The following TTC28 variants were observed in gnomAD, a reference collection of about 807,000 sequenced individuals.
TTC28 encodes tetratricopeptide repeat protein 28.
Under a neutral mutation model 198.0 loss-of-function variants are expected in TTC28, and 61 were observed. That is an observed-to-expected ratio of 0.31 (90% CI 0.25 to 0.38). The LOEUF is 0.38. Ranked by LOEUF, TTC28 falls within the 10% of genes least tolerant of loss-of-function variation. The pLI is 1.00. For missense variants in TTC28, 2,678 were observed against 3,164.0 expected, an observed-to-expected ratio of 0.85 and a Z score of 3.69; for synonymous variants, 1,171 against 1,297.8, an observed-to-expected ratio of 0.90 and a Z score of 2.10.
chr22:28,654,481 C>T lies in TTC28; in HGVS notation c.103-24651G>A, dbSNP rs536349222. ...TATCCGGGATTACAGGTGCCCGCCA[C>T]CATGCCCAGCTAATTTTTGTATTTT... On this transcript the variant is annotated intron_variant, in intron 1 of 22. Coordinates refer to ENST00000397906, the MANE Select transcript of TTC28 (RefSeq NM_001145418.2). Among the ~76,000 whole-genome samples the T allele has an allele frequency of 2.4e-4, 37 of 152,276 alleles. No individual in the cohort carries two copies. In the East Asian group the frequency reaches 4.4e-3, roughly 18 times the overall value.
intron 5 of TTC28, among the ~76,000 whole-genome samples, chr22:28,260,834 C>T (rs908817564): frequency 6.6e-6 from 1 of 152,080 alleles, no homozygotes; most frequent in Non-Finnish European, 1.5e-5. Flanking sequence ...AGAGGGCTGC[C>T]CTTGTCCTTT....
intron 2 of TTC28, among the ~76,000 whole-genome samples, chr22:28,421,575 C>T (rs2047254155): frequency 6.6e-6 from 1 of 151,920 alleles, no homozygotes; most frequent in African/African-American, 2.4e-5. Flanking sequence ...GATGAAGTTA[C>T]CATTTATAGA....
rs766158393 is a variant in TTC28, at chr22:27,982,230, G to T, written c.7437C>A (p.Ser2479=). Residue 2479 remains serine (S), a synonymous_variant, in exon 23 of 23, where the codon TCC becomes TCA. Transcript: ENST00000397906. The surrounding 1 kb of genome is among the most constrained non-coding windows in gnomAD (Gnocchi z 5.2). ...GGGTATAAAAGATGCTTTAGCATTT[G>T]GAAGAAGGGAAAAATCTTCCTGGAG... ...FLSPGRFFPS[S]KC The T allele has an allele frequency of 6.1e-6, 9 of 1,464,944 alleles. No homozygotes were observed. Among genetic ancestry groups the T allele is most frequent in the African/African-American group, 1.4e-5 (1 of 69,882 alleles). 90.7% of individuals were successfully genotyped at this position (1,464,944 alleles called of 1,614,324 possible).
Position 28,105,408 on chromosome 22 carries a change from G to C in TTC28, c.3178C>G (p.Gln1060Glu). ...LGTFERAVVY[Q>E]EQHLSIAAQM... Reference sequence around the variant, plus strand: ...GCAGCAATGCTCAAGTGCTGTTCTTGATAGACCACAGCCCTCTCGAAGGTG... The same window carrying C: ...GCAGCAATGCTCAAGTGCTGTTCTTCATAGACCACAGCCCTCTCGAAGGTG... Residue 1060 changes from glutamine (Q) to glutamate (E), a missense_variant, in exon 8 of 23, where the codon CAA (glutamine) becomes GAA (glutamate). Physicochemically the swap from Gln to Glu is conservative, Grantham distance 29. Around this residue, in one of 8 missense-constraint regions of TTC28, gnomAD observed 727 missense variants for 861.9 expected, o/e 0.84. Transcript: ENST00000397906. 1 of 1,551,736 alleles carries C rather than the reference G, an allele frequency of 6.4e-7. No individual in the cohort carries two copies. The highest frequency in any genetic ancestry group is 8.7e-7 in the Non-Finnish European group (1 of 1,147,008).
At chr22:28,465,211 C>T (rs1183988353) in intron 2 of TTC28, among the ~76,000 whole-genome samples, 1 of 152,052 alleles carries the variant, frequency 6.6e-6, no homozygotes, top group Admixed American at 6.6e-5. Context: ...AGGCAAACAG[C>T]CAGAGTACAA....
intron 5 of TTC28, among the ~76,000 whole-genome samples, chr22:28,272,287 ATTT>A (rs1180799428): frequency 6.6e-6 from 1 of 152,226 alleles, no homozygotes; most frequent in Non-Finnish European, 1.5e-5. Flanking sequence ...GGTTGAATTG[ATTT>A]TATAGAATGC....
intron 12 of TTC28, among the ~76,000 whole-genome samples, chr22:28,056,694 T>C (rs13055218): frequency 0.041 from 6,266 of 152,270 alleles, 191 homozygotes; most frequent in South Asian, 0.056. Context: ...TTAATGTACA[T>C]TAAGGAAGTT....
At chr22:28,177,443 T>G (rs1383133085) in intron 5 of TTC28, among the ~76,000 whole-genome samples, 1 of 152,226 alleles carries the variant, frequency 6.6e-6, no homozygotes, top group Non-Finnish European at 1.5e-5. Context: ...GGAAGACAGT[T>G]GGGCAATTTC....
intron 5 of TTC28, among the ~76,000 whole-genome samples, chr22:28,284,950 A>G (rs2044652493): frequency 6.6e-6 from 1 of 152,224 alleles, no homozygotes; most frequent in South Asian, 2.1e-4. Flanking sequence ...TCCTCAAAAA[A>G]TTAAAAAAGA....
intron 2 of TTC28, among the ~76,000 whole-genome samples, chr22:28,351,717 T>G (rs1001589659): frequency 2.0e-5 from 3 of 152,170 alleles, no homozygotes; most frequent in Admixed American, 2.0e-4. Context: ...ATTACCTTGG[T>G]GTTTATGAGA....
At chr22:28,656,173 A>G (rs1000387443) in intron 1 of TTC28, among the ~76,000 whole-genome samples, 2 of 152,200 alleles carry the variant, frequency 1.3e-5, no homozygotes, top group African/African-American at 2.4e-5. Context: ...GACTTCTGAG[A>G]GGGCACTACT....
chr22:28,483,167 G>C (rs1186612779), intron 2 of TTC28, among the ~76,000 whole-genome samples: 2 of 152,134 alleles, frequency 1.3e-5, no homozygotes, highest in African/African-American at 4.8e-5. Context: ...CTGAGCACCA[G>C]ACATGTATTA....
At chr22:28,468,758 C>T (rs1325052453) in intron 2 of TTC28, among the ~76,000 whole-genome samples, 2 of 144,628 alleles carry the variant, frequency 1.4e-5, no homozygotes, top group Admixed American at 1.5e-4. Context: ...AGGATGGTCT[C>T]GATCTCCTGA....
intron 2 of TTC28, among the ~76,000 whole-genome samples, chr22:28,553,807 T>G (rs2049741247): frequency 6.6e-6 from 1 of 151,826 alleles, no homozygotes; most frequent in Non-Finnish European, 1.5e-5. Flanking sequence ...GGGGCACCTC[T>G]GCCCGGCTGC....
intron 6 of TTC28, among the ~76,000 whole-genome samples, chr22:28,135,445 G>C (rs527685375): frequency 6.6e-6 from 1 of 152,298 alleles, no homozygotes; most frequent in South Asian, 2.1e-4. Flanking sequence ...GAGTTGTTGA[G>C]GAGTAAAACG....
intron 1 of TTC28, among the ~76,000 whole-genome samples, chr22:28,642,235 G>C (rs2051379858): frequency 6.6e-6 from 1 of 151,448 alleles, no homozygotes; most frequent in Non-Finnish European, 1.5e-5. Context: ...AAAGTAGGGG[G>C]AGGAAAGGGA....
intron 2 of TTC28, among the ~76,000 whole-genome samples, chr22:28,504,590 C>T (rs1237393052): frequency 2.6e-5 from 4 of 152,170 alleles, no homozygotes; most frequent in Admixed American, 6.6e-5. Flanking sequence ...GTACCCTCAG[C>T]ACCTAGTGCA....
intron 5 of TTC28, among the ~76,000 whole-genome samples, chr22:28,285,528 T>G (rs902426614): frequency 2.0e-5 from 3 of 152,132 alleles, no homozygotes; most frequent in African/African-American, 7.2e-5. Context: ...ATTGTTTACT[T>G]AAAATTTACT....
intron 2 of TTC28, among the ~76,000 whole-genome samples, chr22:28,503,063 A>C (rs917383412): frequency 1.3e-5 from 2 of 152,144 alleles, no homozygotes; most frequent in African/African-American, 2.4e-5. Flanking sequence ...AAATTCCCTG[A>C]CTACCTCACT....
Sources: allele counts gnomAD v4.1 joint callset (sites outside exome capture counted in the v4.1 genomes callset), GRCh38; gene constraint gnomAD v4.1.1; regional missense constraint gnomAD v4.1.1; non-coding constraint Gnocchi (gnomAD v3.1); transcripts MANE v1.5; gene names NCBI Gene and HGNC (gene_info 2026-07-23, HGNC 2026-07-21).